Variants in MAOB observed in about 807,000 individuals in gnomAD.
The protein encoded by MAOB is amine oxidase [flavin-containing] B.
In MAOB, 15 loss-of-function variants were observed where a neutral mutation model predicts 41.9. The observed-to-expected ratio is 0.36, with a 90% confidence interval of 0.24 to 0.55. The LOEUF is 0.55. Ranked by LOEUF, MAOB falls within the 20% of genes least tolerant of loss-of-function variation. The probability of loss-of-function intolerance (pLI) is 0.86; values close to 1 mark genes in which losing one functional copy is unlikely to be tolerated. For synonymous variants in MAOB, 167 were observed against 144.2 expected (o/e 1.16, Z -1.13); for missense variants, 345 against 398.7 (o/e 0.87, Z 1.15).
intron 2 of MAOB, among the ~76,000 whole-genome samples, chrX:43,840,968 AG>A (rs1306393071): frequency 9.3e-6 from 1 of 108,102 alleles, no homozygotes; most frequent in Admixed American, 9.9e-5. Context: ...TCCCCTGGAA[AG>A]GGGGCTGAAG....
chrX:43,800,642 C>T (rs1274244033), intron 5 of MAOB, among the ~76,000 whole-genome samples: 3 of 110,816 alleles, frequency 2.7e-5, no homozygotes, highest in Admixed American at 9.6e-5. Context: ...AGAAAGTAAC[C>T]AATGTGTTCA....
chrX:43,872,852 A>T (rs1407703689), intron 1 of MAOB, among the ~76,000 whole-genome samples: 1 of 112,266 alleles, frequency 8.9e-6, no homozygotes, highest in Non-Finnish European at 1.9e-5. Context: ...ATGGAGTTCA[A>T]TTATGGATGA....
intron 8 of MAOB, among the ~76,000 whole-genome samples, chrX:43,785,009 A>G (rs1021026154): frequency 2.7e-5 from 3 of 112,032 alleles, no homozygotes; most frequent in Non-Finnish European, 5.6e-5. Context: ...TTAGATGGGC[A>G]TGGTGGTGTG....
At chrX:43,799,126 G>A (rs1474210933) in intron 5 of MAOB, among the ~76,000 whole-genome samples, 1 of 111,378 alleles carries the variant, frequency 9.0e-6, no homozygotes, top group Non-Finnish European at 1.9e-5. Context: ...ATTATTTGCA[G>A]CTGTAACAAC....
chrX:43,778,721 T>G lies in MAOB; in HGVS notation c.1098A>C (p.Glu366Asp), dbSNP rs753432586. The change falls in exon 11 of 15, where the codon GAA becomes GAC. Residue 366 changes from glutamate (E) to aspartate (D), a missense_variant. Coordinates refer to ENST00000378069, the MANE Select transcript of MAOB (RefSeq NM_000898.5). ...GGGAACCCAGAACCTTGGCATAGAG[T>G]TCACAAAGTTTCTTCAACCTGTGAA... ...TKEERLKKLC[E>D]LYAKVLGSLE... 2.3e-5 allele frequency: 28 copies of G among 1,201,941 alleles called. No individual in the cohort carries two copies. The highest frequency in any genetic ancestry group is 3.0e-5 in the Non-Finnish European group (27 of 889,203).
At chrX:43,775,055 GTT>G (rs373072993) in intron 12 of MAOB, 118 bp downstream of exon 12, 14,418 of 584,987 alleles carry the variant, frequency 0.025, 14 homozygotes, top group African/African-American at 0.051. Flanking sequence ...AAATTGGGTT[GTT>G]TTTTTTTTTT....
chrX:43,818,143 T>G (rs1443328150), intron 3 of MAOB, among the ~76,000 whole-genome samples: 1 of 112,487 alleles, frequency 8.9e-6, no homozygotes, highest in East Asian at 2.8e-4. Flanking sequence ...TTGTGTCTGA[T>G]TTATTTCACT....
At chrX:43,803,997 G>C in intron 3 of MAOB, among the ~76,000 whole-genome samples, 1 of 111,285 alleles carries the variant, frequency 9.0e-6, no homozygotes, top group Non-Finnish European at 1.9e-5. Context: ...ATACCACCTG[G>C]TTCTTCCCAC....
At chrX:43,834,550 A>G (rs1377063084) in intron 3 of MAOB, among the ~76,000 whole-genome samples, 1 of 112,312 alleles carries the variant, frequency 8.9e-6, no homozygotes, top group Non-Finnish European at 1.9e-5. Flanking sequence ...CTGAAATGGC[A>G]TCGCAGATAG....
In MAOB at chrX:43,859,241, G is replaced by GT. The variant is rs1333756252; in HGVS notation, c.47-15478dup. 2.8e-4 allele frequency among the ~76,000 whole-genome samples: 31 copies of GT among 110,752 alleles called. 1 individual carries two copies. In the South Asian group the frequency reaches 5.8e-3, roughly 21 times the overall value. On this transcript the variant is annotated intron_variant, in intron 1 of 14. Coordinates refer to ENST00000378069, the MANE Select transcript of MAOB (RefSeq NM_000898.5). ...CCCCAAATCAAAAACAAATCCAGGT[G>GT]TTTTTTTTCTGTCGATAACATTTTT... is the stretch of plus-strand genomic sequence containing the variant.
intron 1 of MAOB, among the ~76,000 whole-genome samples, chrX:43,857,149 AGAGAGAGAGAGAG>A (rs1569230907): frequency 7.4e-4 from 47 of 63,318 alleles, no homozygotes; most frequent in African/African-American, 2.8e-3. Context: ...AGAGAGAGAG[AGAGAGAGAGAGAG>A]AGAAGAAGAG....
chrX:43,816,098 C>G (rs2034811094), intron 3 of MAOB, among the ~76,000 whole-genome samples: 2 of 111,393 alleles, frequency 1.8e-5, no homozygotes, highest in Admixed American at 1.9e-4. Flanking sequence ...TTTAGAAAAG[C>G]AGCTGGACAC....
intron 8 of MAOB, among the ~76,000 whole-genome samples, chrX:43,786,075 T>G (rs1260149684): frequency 8.9e-6 from 1 of 111,866 alleles, no homozygotes; most frequent in African/African-American, 3.3e-5. Context: ...TGCAATTATC[T>G]GTAAAGTGCA....
rs201348435 is a variant in MAOB at position 43,836,478 on chromosome X, T to TA, written c.279+2389dup. Among the ~76,000 whole-genome samples, 1,117 of 112,583 alleles carry TA rather than the reference T, an allele frequency of 9.9e-3. 12 individuals carry two copies. The highest frequency in any genetic ancestry group is 0.018 in the Middle Eastern group (4 of 218). On this transcript the variant is annotated intron_variant, in intron 3 of 14. Transcript: ENST00000378069. ...GTCAAGACTGCAGAAACCTTTTTTT[T>TA]ACAGCATCAGTATTTTTTCAATTTG...
At chrX:43,870,818 A>G (rs1385555707) in intron 1 of MAOB, among the ~76,000 whole-genome samples, 6 of 106,162 alleles carry the variant, frequency 5.7e-5, no homozygotes, top group African/African-American at 1.0e-4. Flanking sequence ...AAAAAAAAAA[A>G]AGAGAAAGAA....
intron 1 of MAOB, among the ~76,000 whole-genome samples, chrX:43,846,397 A>G (rs1383293796): frequency 4.4e-5 from 5 of 112,626 alleles, no homozygotes; most frequent in Admixed American, 3.8e-4. Context: ...GGAGTTCTCT[A>G]TGCTCATGTA....
At chrX:43,785,871 C>T (rs1015445734) in intron 8 of MAOB, among the ~76,000 whole-genome samples, 4 of 111,706 alleles carry the variant, frequency 3.6e-5, no homozygotes, top group Admixed American at 9.5e-5. Flanking sequence ...AACTCCTAAA[C>T]AATTACAATA....
At chrX:43,816,154 A>G (rs1212394873) in intron 3 of MAOB, among the ~76,000 whole-genome samples, 3 of 111,985 alleles carry the variant, frequency 2.7e-5, no homozygotes, top group Non-Finnish European at 5.6e-5. Context: ...GTTTTAAAAC[A>G]GGGAAAATTA....
At chrX:43,831,372 A>C (rs1029735820) in intron 3 of MAOB, among the ~76,000 whole-genome samples, 3 of 111,611 alleles carry the variant, frequency 2.7e-5, no homozygotes, top group Non-Finnish European at 5.6e-5. Context: ...GGCAGTACTA[A>C]AAAGTACAAA....
Sources: allele counts gnomAD v4.1 joint callset (sites outside exome capture counted in the v4.1 genomes callset), GRCh38; gene constraint gnomAD v4.1.1; transcripts MANE v1.5; gene names NCBI Gene and HGNC (gene_info 2026-07-23, HGNC 2026-07-21).